The following KCNH6 variants were observed in gnomAD, a reference collection of about 807,000 sequenced individuals.
KCNH6 encodes the protein voltage-gated inwardly rectifying potassium channel KCNH6.
Under a neutral mutation model 83.4 loss-of-function variants are expected in KCNH6, and 81 were observed. The observed-to-expected ratio is 0.97, with a 90% CI of 0.81 to 1.17. The LOEUF is 1.17. KCNH6 is among the 50% of genes most tolerant of loss of function. The probability of loss-of-function intolerance (pLI) is 0.00; values close to 1 mark genes in which losing one functional copy is unlikely to be tolerated. For missense variants in KCNH6, 1,203 were observed against 1,290.5 expected (o/e 0.93, Z 1.04); for synonymous variants, 503 against 545.6 (o/e 0.92, Z 1.09).
In KCNH6 at chr17:63,523,426, A is replaced by G. The variant is rs779205408; in HGVS notation, c.13A>G (p.Arg5Gly). Residue 5 changes from arginine (R) to glycine (G), a missense_variant, in exon 1 of 13, where the codon AGG becomes GGG. Transcript: ENST00000314672. The surrounding 1 kb of genome is among the most constrained non-coding windows in gnomAD (Gnocchi z 4.2). The stretch of plus-strand genomic sequence containing the variant: ...CCGCGGCCGAAAGATGCCGGTCCGC[A>G]GGGGCCACGTCGCTCCCCAAAACAC... MPVR[R>G]GHVAPQNTYL... 3.8e-6 allele frequency: 6 copies of G among 1,596,910 alleles called. No individual in the cohort carries two copies. The highest frequency in any genetic ancestry group is 1.1e-5 in the South Asian group (1 of 89,792).
At position 63,535,932 on chromosome 17, in the gene KCNH6, G is replaced by A. The variant is rs138263487; in HGVS notation, c.1365G>A (p.Ser455=). The part of the protein sequence containing the change: ...GKRYNGSDPA[S]GPSVQDKYVT... ...GCTACAACGGCAGCGACCCAGCCTC[G>A]GGCCCCTCGGTGCAGGACAAGTATG... Residue 455 remains serine (S), a synonymous_variant, in exon 6 of 13, where the codon TCG becomes TCA. Transcript: ENST00000314672. The surrounding 1 kb of genome is among the most constrained non-coding windows in gnomAD (Gnocchi z 4.9). 7 of 1,613,862 alleles carry A rather than the reference G, an allele frequency of 4.3e-6. No individual in the cohort carries two copies. In the Admixed American group the frequency reaches 8.3e-5, roughly 19 times the overall value.
At chr17:63,543,787 C>T (rs944937210) in intron 10 of KCNH6, 127 bp downstream of exon 10, 1 of 681,478 alleles carries the variant, frequency 1.5e-6, no homozygotes, top group South Asian at 1.7e-5. Flanking sequence ...GGCTCCCTCT[C>T]TAGACCCAGA....
In KCNH6 at chr17:63,534,491, T is replaced by C. The variant is rs775138542; in HGVS notation, c.1101+180T>C. Among the ~76,000 whole-genome samples, 7 of 152,086 alleles carry C rather than the reference T, an allele frequency of 4.6e-5. No individual in the cohort carries two copies. The highest frequency in any genetic ancestry group is 2.0e-4 in the Admixed American group (3 of 15,272). ...CACCTCCCAGCCCTGGAGAAGGACCTGCCAAGGCTGCACCCCCAGGCCTCT... is the reference window on the plus strand; with the variant it reads ...CACCTCCCAGCCCTGGAGAAGGACCCGCCAAGGCTGCACCCCCAGGCCTCT... On this transcript the variant is annotated intron_variant, in intron 5 of 12. Transcript: ENST00000314672. The surrounding 1 kb of genome is among the most constrained non-coding windows in gnomAD (Gnocchi z 5.0).
intron 8 of KCNH6, among the ~76,000 whole-genome samples, chr17:63,539,710 A>T (rs2147709928): frequency 6.6e-6 from 1 of 151,504 alleles, no homozygotes; most frequent in African/African-American, 2.4e-5. Context: ...TCCATCTCAC[A>T]CCTGTCTCCC....
rs2032794118 is a variant in KCNH6, at chr17:63,540,439, A to T, written c.1954+1777A>T. On this transcript the variant is annotated intron_variant, in intron 8 of 12. Transcript: ENST00000314672. ...AGAGCGAGACTCTGTCTTTAAAAAA[A>T]AAAAGTGCCATCACATGGGAGGGAT... Among the ~76,000 whole-genome samples the T allele has an allele frequency of 2.0e-5, 3 of 152,286 alleles. No homozygotes were observed. In the South Asian group the frequency reaches 6.2e-4, roughly 32 times the overall value.
At position 63,533,360 on chromosome 17, in the gene KCNH6, T is replaced by A. The variant is rs1283445907; in HGVS notation, c.676-526T>A. ...CATGGACTCTTTCCATGGGAGGCTCTGAGTTGGCCTCAGAGAGGGCACTCA... is the reference window on the plus strand; with the variant it reads ...CATGGACTCTTTCCATGGGAGGCTCAGAGTTGGCCTCAGAGAGGGCACTCA... On this transcript the variant is annotated intron_variant, in intron 4 of 12. Transcript: ENST00000314672. The surrounding 1 kb of genome is among the most constrained non-coding windows in gnomAD (Gnocchi z 4.1). 1.3e-5 allele frequency among the ~76,000 whole-genome samples: 2 copies of A among 152,096 alleles called. No individual in the cohort carries two copies. Among genetic ancestry groups the A allele is most frequent in the African/African-American group, 4.8e-5 (2 of 41,414 alleles).
chr17:63,529,573 C>T (rs1043027714), intron 2 of KCNH6, among the ~76,000 whole-genome samples: 4 of 152,188 alleles, frequency 2.6e-5, no homozygotes, highest in African/African-American at 9.7e-5. Flanking sequence ...CCATGCCTGC[C>T]CCCCAAGGAC....
intron 12 of KCNH6, 103 bp from the exon 13 acceptor site, chr17:63,545,506 T>C (rs1280438447): frequency 8.0e-7 from 1 of 1,244,248 alleles, no homozygotes; most frequent in Non-Finnish European, 1.1e-6. Context: ...CCCTGAGGTG[T>C]GGGAAGGGCA....
At chr17:63,541,362 C>T (rs2147719137) in intron 8 of KCNH6, among the ~76,000 whole-genome samples, 2 of 148,630 alleles carry the variant, frequency 1.3e-5, no homozygotes, top group Non-Finnish European at 3.0e-5. Context: ...GATCTCAGCT[C>T]CCTGCAAACT....
At chr17:63,547,357 A>G (rs368173019), downstream of KCNH6, among the ~76,000 whole-genome samples, 3 of 11,184 alleles carry the variant, frequency 2.7e-4, no homozygotes, top group African/African-American at 1.0e-3. Context: ...CCGTGATTGC[A>G]TCACTGAACT....
rs750505810 is a variant in KCNH6 at position 63,538,147 on chromosome 17, G to C, written c.1584G>C (p.Gln528His). 1 of 1,614,108 alleles carries C rather than the reference G, an allele frequency of 6.2e-7. No homozygotes were observed. Among genetic ancestry groups the C allele is most frequent in the South Asian group, 1.1e-5 (1 of 91,080 alleles). ...LYSGTARYHT[Q>H]MLRVKEFIRF... ...CGGGCACCGCGCGCTACCACACGCA[G>C]ATGCTGCGTGTCAAGGAGTTCATCC... Residue 528 changes from glutamine (Q) to histidine (H), a missense_variant, in exon 7 of 13, where the codon CAG (glutamine) becomes CAC (histidine). Transcript: ENST00000314672. The surrounding 1 kb of genome is among the most constrained non-coding windows in gnomAD (Gnocchi z 4.0).
Position 63,527,968 on chromosome 17 carries a change from G to A in KCNH6, c.308-2123G>A, listed in dbSNP as rs924016593. On this transcript the variant is annotated intron_variant, in intron 2 of 12. Coordinates refer to ENST00000314672, the MANE Select transcript of KCNH6 (RefSeq NM_001278919.2). ...GCTGGTCTTTGGTCCATTCCCAGCCGCAGTTTTCCAATTGCATCAATTTTC... is the reference window on the plus strand; with the variant it reads ...GCTGGTCTTTGGTCCATTCCCAGCCACAGTTTTCCAATTGCATCAATTTTC... Among the ~76,000 whole-genome samples the A allele has an allele frequency of 5.3e-5, 8 of 152,260 alleles. No individual in the cohort carries two copies. In the South Asian group the frequency reaches 8.3e-4, roughly 16 times the overall value.
chr17:63,541,077 TTGTTGGC>T (rs2032830697), intron 8 of KCNH6, among the ~76,000 whole-genome samples: 1 of 152,154 alleles, frequency 6.6e-6, no homozygotes, highest in Non-Finnish European at 1.5e-5. Flanking sequence ...TGCTGTAAAC[TTGTTGGC>T]TGCTTACGTA....
In KCNH6 at chr17:63,538,775, G is replaced by A. The variant is rs2032695163; in HGVS notation, c.1954+113G>A. The A allele has an allele frequency of 1.8e-6, 2 of 1,116,516 alleles. No homozygotes were observed. The highest frequency in any genetic ancestry group is 3.1e-5 in the African/African-American group (2 of 63,818). The allele number at this position is 1,116,516 out of a possible 1,614,324, so 69.2% of individuals were successfully genotyped here. A position where few individuals can be genotyped will look rare whatever the true frequency, so the allele number is the denominator to read the frequency against. On this transcript the variant is annotated intron_variant, in intron 8 of 12. Coordinates refer to ENST00000314672, the MANE Select transcript of KCNH6 (RefSeq NM_001278919.2). This position sits in a 1 kb window ranked among gnomAD's most constrained non-coding sequence, Gnocchi z 4.0. ...CCTGATGAGGATTTTACTTTTACTG[G>A]CAGCCACTTGCACAGCATGTGCCCG...
chr17:63,524,982 C>T (rs987174777), intron 2 of KCNH6, among the ~76,000 whole-genome samples: 7 of 152,154 alleles, frequency 4.6e-5, no homozygotes, highest in African/African-American at 1.7e-4. Context: ...AATCCTCCCC[C>T]ACCCCCCAGG....
At chr17:63,542,216 A>G in intron 8 of KCNH6, 25 bp from the exon 9 acceptor site, 1 of 1,610,032 alleles carries the variant, frequency 6.2e-7, no homozygotes, top group Non-Finnish European at 8.5e-7. Context: ...GACCCTGAAG[A>G]GACTCCCACC....
intron 12 of KCNH6, 148 bp downstream of exon 12, chr17:63,545,412 T>G: frequency 9.9e-7 from 1 of 1,006,998 alleles, no homozygotes; most frequent in Non-Finnish European, 1.4e-6. Flanking sequence ...ATGATCAGAG[T>G]CATGATAGGG....
intron 2 of KCNH6, among the ~76,000 whole-genome samples, chr17:63,526,433 G>C (rs1469657824): frequency 1.4e-5 from 2 of 140,764 alleles, no homozygotes; most frequent in Non-Finnish European, 3.0e-5. Flanking sequence ...GCTCTGTCAC[G>C]CAGGCTGGCA....
intron 6 of KCNH6, among the ~76,000 whole-genome samples, chr17:63,536,831 G>A (rs187007112): frequency 7.0e-6 from 1 of 143,554 alleles, no homozygotes; most frequent in East Asian, 2.1e-4. Context: ...GTACACACCT[G>A]TAATCCCAGC....
Sources: allele counts gnomAD v4.1 joint callset (sites outside exome capture counted in the v4.1 genomes callset), GRCh38; gene constraint gnomAD v4.1.1; non-coding constraint Gnocchi (gnomAD v3.1); transcripts MANE v1.5; gene names NCBI Gene and HGNC (gene_info 2026-07-23, HGNC 2026-07-21).